The following OTOGL variants were observed in gnomAD, a reference collection of about 807,000 sequenced individuals.
OTOGL encodes the protein otogelin like.
OTOGL carries 285 observed loss-of-function variants against 318.5 expected under a neutral mutation model. The observed-to-expected ratio is 0.89, with a 90% CI of 0.81 to 0.99. The LOEUF (loss-of-function observed/expected upper bound fraction) is 0.99, where lower values mean the gene tolerates loss of function less well. Among genes scored for constraint, OTOGL ranks in the 50% least tolerant of loss-of-function variants. The probability of loss-of-function intolerance (pLI) is 0.00; values close to 1 mark genes in which losing one functional copy is unlikely to be tolerated. For missense variants in OTOGL, 2,899 were observed against 2,845.6 expected (o/e 1.02, Z -0.43); for synonymous variants, 987 against 936.5 (o/e 1.05, Z -0.99).
chr12:80,163,375 A>C (rs1873644038), intron 1 of OTOGL, among the ~76,000 whole-genome samples: 1 of 152,162 alleles, frequency 6.6e-6, no homozygotes, highest in African/African-American at 2.4e-5. Flanking sequence ...AATAAAAATA[A>C]AAATTATAGA....
intron 45 of OTOGL, 55 bp downstream of exon 45, chr12:80,352,491 A>G: frequency 2.2e-6 from 3 of 1,390,682 alleles, no homozygotes; most frequent in African/African-American, 1.5e-5. Flanking sequence ...CACTTTTGCA[A>G]TCACTTCTTT....
At chr12:80,277,749 C>A (rs1883917021) in intron 24 of OTOGL, among the ~76,000 whole-genome samples, 1 of 151,410 alleles carries the variant, frequency 6.6e-6, no homozygotes, top group Admixed American at 6.6e-5. Flanking sequence ...TATCTTGTAA[C>A]AAAAATGTTA....
intron 44 of OTOGL, among the ~76,000 whole-genome samples, chr12:80,351,112 A>T (rs1329686175): frequency 6.6e-6 from 1 of 152,146 alleles, no homozygotes; most frequent in Non-Finnish European, 1.5e-5. Context: ...AATGTCATTC[A>T]ACTGCTAGTG....
At chr12:80,274,076 T>C (rs1883615979) in intron 24 of OTOGL, among the ~76,000 whole-genome samples, 1 of 152,018 alleles carries the variant, frequency 6.6e-6, no homozygotes, top group African/African-American at 2.4e-5. Flanking sequence ...ATTAGGCCAA[T>C]TAATAACTCT....
At position 80,251,769 on chromosome 12, in the gene OTOGL, C is replaced by T. The variant is rs1881574732; in HGVS notation, c.1129C>T (p.Gln377Ter). ...RACSHAGYPI[Q>*]DWRDDFPACT... ...CTGCTCTCATGCTGGCTACCCTATT[C>T]AAGACTGGAGAGATGACTTTCCAGC... Residue 377 changes from glutamine (Q) to a stop codon, truncating the protein, a stop_gained, in exon 12 of 59, where the codon CAA (glutamine) becomes TAA (stop). Coordinates refer to ENST00000547103, the MANE Select transcript of OTOGL (RefSeq NM_001378609.3). LOFTEE classifies it high-confidence loss of function. 1 of 1,587,458 alleles carries T rather than the reference C, an allele frequency of 6.3e-7. No individual in the cohort carries two copies. The highest frequency in any genetic ancestry group is 2.3e-5 in the East Asian group (1 of 44,086).
At chr12:80,367,788 A>G (rs2138079822) in intron 54 of OTOGL, 49 bp downstream of exon 54, 1 of 1,242,318 alleles carries the variant, frequency 8.0e-7, no homozygotes, top group East Asian at 2.9e-5. Context: ...GCATTCAAAA[A>G]TGGCAGAGTT....
At chr12:80,339,769 TC>T (rs1406648250) in intron 43 of OTOGL, among the ~76,000 whole-genome samples, 1 of 152,152 alleles carries the variant, frequency 6.6e-6, no homozygotes, top group East Asian at 1.9e-4. Context: ...AGGATATTTG[TC>T]CTAGTTTTAT....
chr12:80,356,831 G>A lies in OTOGL; in HGVS notation c.5936G>A (p.Ser1979Asn). 1 of 1,594,686 alleles carries A rather than the reference G, an allele frequency of 6.3e-7. No homozygotes were observed. Residue 1979 changes from serine (S) to asparagine (N), a missense_variant, in exon 49 of 59, where the codon AGT becomes AAT. Coordinates refer to ENST00000547103, the MANE Select transcript of OTOGL (RefSeq NM_001378609.3). ...KCECDPLKCP[S>N]ISTPECREDQ... ...GAATGTGACCCATTGAAATGCCCCAGTATTTCAACACCAGAATGCAGAGAA... is the reference window on the plus strand; with the variant it reads ...GAATGTGACCCATTGAAATGCCCCAATATTTCAACACCAGAATGCAGAGAA...
chr12:80,182,172 G>A (rs951605822), intron 1 of OTOGL, among the ~76,000 whole-genome samples: 2 of 151,964 alleles, frequency 1.3e-5, no homozygotes, highest in Admixed American at 6.6e-5. Context: ...TTTAAAAAGG[G>A]GGTAAAAAAA....
intron 4 of OTOGL, among the ~76,000 whole-genome samples, chr12:80,214,098 G>A (rs1402709566): frequency 6.6e-6 from 1 of 152,158 alleles, no homozygotes; most frequent in East Asian, 1.9e-4. Context: ...GGAAGGGTGG[G>A]CTGTCCTCTT....
Position 80,255,023 on chromosome 12 carries a change from C to CTTTT in OTOGL, c.1442-9_1442-6dup. On this transcript the variant is annotated splice_polypyrimidine_tract_variant and intron_variant, in intron 15 of 58. Transcript: ENST00000547103. Reference sequence around the variant, plus strand: ...ACCTCCTTTTCTTTTTCTTTGTTTTCTTTTTTTTTTTGGCAGTTCAATGCT... The same window carrying CTTTT: ...ACCTCCTTTTCTTTTTCTTTGTTTTCTTTTTTTTTTTTTTTGGCAGTTCAATGCT... 9.4e-7 allele frequency: 1 copy of CTTTT among 1,058,698 alleles called. No homozygotes were observed. Among genetic ancestry groups the CTTTT allele is most frequent in the South Asian group, 2.1e-5 (1 of 48,716 alleles). 65.6% of individuals were successfully genotyped at this position (1,058,698 alleles called of 1,614,324 possible).
chr12:80,135,111 A>G (rs1399195963), intron 1 of OTOGL, among the ~76,000 whole-genome samples: 2 of 151,870 alleles, frequency 1.3e-5, no homozygotes, highest in Admixed American at 1.3e-4. Context: ...GTTACCTCTC[A>G]TAGTCTTCCT....
chr12:80,264,824 T>C (rs1474260393), intron 19 of OTOGL, among the ~76,000 whole-genome samples, 177 bp from the exon 20 acceptor site: 1 of 152,142 alleles, frequency 6.6e-6, no homozygotes, highest in Non-Finnish European at 1.5e-5. Flanking sequence ...TGAATGTGGA[T>C]TAAGTGCTGT....
chr12:80,132,518 A>T (rs1489785073), intron 1 of OTOGL: 1 of 152,184 alleles, frequency 6.6e-6, no homozygotes, highest in East Asian at 1.9e-4. Flanking sequence ...GCTAAGACTC[A>T]TCTCTGCTAC....
Position 80,219,885 on chromosome 12 carries a change from C to T in OTOGL, c.307C>T (p.Gln103Ter). 1 of 1,587,876 alleles carries T rather than the reference C, an allele frequency of 6.3e-7. No individual in the cohort carries two copies. The highest frequency in any genetic ancestry group is 8.5e-7 in the Non-Finnish European group (1 of 1,171,182). ...TGGAACATGTGACTGTCAAATATTTCAGGCTCTTGGGACAAGATGCCAGAT... is the reference window on the plus strand; with the variant it reads ...TGGAACATGTGACTGTCAAATATTTTAGGCTCTTGGGACAAGATGCCAGAT... Reference protein sequence around the residue: ...KTGTCDCQIFQALGTRCQIIP... With the variant: ...KTGTCDCQIF Residue 103 changes from glutamine (Q) to a stop codon, truncating the protein, a stop_gained, in exon 6 of 59, where the codon CAG becomes TAG. Coordinates refer to ENST00000547103, the MANE Select transcript of OTOGL (RefSeq NM_001378609.3). LOFTEE classifies it high-confidence loss of function.
chr12:80,335,175 A>G (rs976740158), intron 38 of OTOGL, among the ~76,000 whole-genome samples: 1 of 152,116 alleles, frequency 6.6e-6, no homozygotes, highest in Non-Finnish European at 1.5e-5. Context: ...TGCAGTAGAG[A>G]GTAGTGGTCA....
At chr12:80,368,094 T>A in intron 54 of OTOGL, 111 bp from the exon 55 acceptor site, 1 of 782,984 alleles carries the variant, frequency 1.3e-6, no homozygotes. Flanking sequence ...TTAGAAATCC[T>A]TACAGTTGTC....
At chr12:80,328,461 A>G (rs76018282) in intron 35 of OTOGL, among the ~76,000 whole-genome samples, 1 of 152,224 alleles carries the variant, frequency 6.6e-6, no homozygotes, top group African/African-American at 2.4e-5. Context: ...GTTCTGCCTT[A>G]ATTTTAATCC....
chr12:80,222,774 T>C (rs1344645540), intron 7 of OTOGL, among the ~76,000 whole-genome samples: 1 of 152,188 alleles, frequency 6.6e-6, no homozygotes, highest in Non-Finnish European at 1.5e-5. Flanking sequence ...TTGTTGGATT[T>C]AAAAGCTACA....
Sources: allele counts gnomAD v4.1 joint callset (sites outside exome capture counted in the v4.1 genomes callset), GRCh38; gene constraint gnomAD v4.1.1; transcripts MANE v1.5; gene names NCBI Gene and HGNC (gene_info 2026-07-23, HGNC 2026-07-21).